The following CACNA1E variants were observed in gnomAD, a reference collection of about 807,000 sequenced individuals.
CACNA1E encodes voltage-dependent R-type calcium channel subunit alpha-1E.
Under a neutral mutation model 259.2 loss-of-function variants are expected in CACNA1E, and 40 were observed. The observed-to-expected ratio is 0.15, with a 90% CI of 0.12 to 0.20. The LOEUF (loss-of-function observed/expected upper bound fraction) is 0.20. Among genes scored for constraint, CACNA1E ranks in the 10% least tolerant of loss-of-function variants. The probability of loss-of-function intolerance (pLI) is 1.00; values close to 1 mark genes in which losing one functional copy is unlikely to be tolerated. For missense variants in CACNA1E, 1,874 were observed against 3,040.1 expected, an observed-to-expected ratio of 0.62 and a Z score of 9.02; for synonymous variants, 1,104 against 1,138.5, an observed-to-expected ratio of 0.97 and a Z score of 0.61.
chr1:181,745,423 A>C (rs1005608066), intron 25 of CACNA1E: 1 of 464,024 alleles, frequency 2.2e-6, no homozygotes, highest in Non-Finnish European at 4.2e-6. Context: ...GCAAAATGAA[A>C]TGATCCAATC....
intron 6 of CACNA1E, among the ~76,000 whole-genome samples, chr1:181,602,203 TC>T (rs1489632759): frequency 6.6e-6 from 1 of 152,222 alleles, no homozygotes; most frequent in African/African-American, 2.4e-5. Context: ...GGCTAAGTGA[TC>T]CCACTAGAGT....
At position 181,758,855 on chromosome 1, in the gene CACNA1E, C is replaced by A; in HGVS notation, c.4592C>A (p.Ala1531Asp). 1 of 1,602,566 alleles carries A rather than the reference C, an allele frequency of 6.2e-7. No homozygotes were observed. The highest frequency in any genetic ancestry group is 8.5e-7 in the Non-Finnish European group (1 of 1,169,672). Residue 1531 changes from alanine (A) to aspartate (D), a missense_variant, in exon 32 of 48, where the codon GCT becomes GAT. Transcript: ENST00000367573. The surrounding 1 kb of genome is among the most constrained non-coding windows in gnomAD (Gnocchi z 4.2). Reference protein sequence around the residue: ...FSLECVLKVIAFGFLNYFRDT... With the variant: ...FSLECVLKVIDFGFLNYFRDT... Reference sequence around the variant, plus strand: ...CTGGAATGTGTCCTGAAGGTCATCGCTTTTGGCTTTTTGGTATGTTGCTGA... The same window carrying A: ...CTGGAATGTGTCCTGAAGGTCATCGATTTTGGCTTTTTGGTATGTTGCTGA...
At position 181,500,025 on chromosome 1, in the gene CACNA1E, G is replaced by T. The variant is rs147089533; in HGVS notation, c.267-10452G>T. ...TTGACAAAGCCATTCACCTGTGGCT[G>T]CTTCCGACACACCTCCAGCTGCACA... On this transcript the variant is annotated intron_variant, in intron 1 of 47. Coordinates refer to ENST00000367573, the MANE Select transcript of CACNA1E (RefSeq NM_001205293.3). Among the ~76,000 whole-genome samples, 164 of 152,330 alleles carry T rather than the reference G, an allele frequency of 1.1e-3. 2 individuals carry two copies. The highest frequency in any genetic ancestry group is 3.4e-3 in the African/African-American group (142 of 41,580).
intron 35 of CACNA1E, among the ~76,000 whole-genome samples, chr1:181,767,895 C>A (rs773492673): frequency 2.6e-5 from 4 of 152,150 alleles, no homozygotes; most frequent in Non-Finnish European, 5.9e-5. Flanking sequence ...TTAAAATATT[C>A]TTGAAGAGCC....
At chr1:181,526,845 T>C (rs1484243414) in intron 3 of CACNA1E, among the ~76,000 whole-genome samples, 4 of 152,214 alleles carry the variant, frequency 2.6e-5, no homozygotes, top group African/African-American at 9.6e-5. Flanking sequence ...TAAACTGGTA[T>C]GATATATGTT....
chr1:181,602,515 T>C (rs1398862289), intron 6 of CACNA1E, among the ~76,000 whole-genome samples: 1 of 152,202 alleles, frequency 6.6e-6, no homozygotes, highest in Non-Finnish European at 1.5e-5. Flanking sequence ...ATTTTTGGAT[T>C]TGGGATGCTC....
intron 3 of CACNA1E, among the ~76,000 whole-genome samples, chr1:181,520,031 G>C (rs589082): frequency 4.0e-5 from 6 of 151,882 alleles, no homozygotes; most frequent in African/African-American, 1.2e-4. Flanking sequence ...GACAAGCAAA[G>C]AGGATAGTGA....
intron 7 of CACNA1E, among the ~76,000 whole-genome samples, chr1:181,701,676 CAG>C (rs1004828816): frequency 1.3e-5 from 2 of 152,158 alleles, no homozygotes; most frequent in Admixed American, 6.5e-5. Context: ...AACTGCGAAA[CAG>C]AGATGAAAGT....
At chr1:181,562,170 G>T (rs1649396462) in intron 3 of CACNA1E, among the ~76,000 whole-genome samples, 1 of 152,030 alleles carries the variant, frequency 6.6e-6, no homozygotes, top group African/African-American at 2.4e-5. Flanking sequence ...CATTGTATGT[G>T]AAAATATTGC....
chr1:181,598,855 T>C (rs1289541493), intron 6 of CACNA1E, among the ~76,000 whole-genome samples: 2 of 152,180 alleles, frequency 1.3e-5, no homozygotes, highest in Non-Finnish European at 2.9e-5. Context: ...CTCCATTGAC[T>C]GTGTTCCCTT....
In CACNA1E at chr1:181,750,500, G is replaced by C; in HGVS notation, c.3731+13G>C. ...GGAACGCTTTGGGGTAAATATGTTC[G>C]ATTATCTTTGAAGTAAACGATACAA... On this transcript the variant is annotated intron_variant, in intron 26 of 47. Coordinates refer to ENST00000367573, the MANE Select transcript of CACNA1E (RefSeq NM_001205293.3). The C allele has an allele frequency of 6.2e-7, 1 of 1,611,264 alleles. No homozygotes were observed. The highest frequency in any genetic ancestry group is 2.2e-5 in the East Asian group (1 of 44,872).
chr1:181,650,057 A>G (rs533668206), intron 6 of CACNA1E, among the ~76,000 whole-genome samples: 2 of 152,378 alleles, frequency 1.3e-5, no homozygotes, highest in African/African-American at 2.4e-5. Context: ...GATAGCTTCC[A>G]TGACTGATAA....
At chr1:181,323,952 C>A (rs961619965) in intron 1 of CACNA1E, among the ~76,000 whole-genome samples, 2 of 152,232 alleles carry the variant, frequency 1.3e-5, no homozygotes, top group African/African-American at 4.8e-5. Context: ...TGGTCCAGAG[C>A]AGCTCCCATG....
intron 8 of CACNA1E, among the ~76,000 whole-genome samples, chr1:181,714,079 C>T (rs905446554): frequency 2.0e-5 from 3 of 152,154 alleles, no homozygotes; most frequent in African/African-American, 7.2e-5. Flanking sequence ...CTCAAATTAG[C>T]ATAGACCCCA....
chr1:181,697,974 C>T (rs1651875660), intron 7 of CACNA1E, among the ~76,000 whole-genome samples: 1 of 152,228 alleles, frequency 6.6e-6, no homozygotes, highest in African/African-American at 2.4e-5. Context: ...AAGCTGGAAG[C>T]TTCCACCCTC....
intron 2 of CACNA1E, among the ~76,000 whole-genome samples, chr1:181,464,900 C>T (rs1477502128): frequency 6.6e-6 from 1 of 151,876 alleles, no homozygotes; most frequent in African/African-American, 2.4e-5. Context: ...AATTTAGTTC[C>T]TTTTTTGTGT....
chr1:181,542,356 G>A (rs1668646904), intron 3 of CACNA1E, among the ~76,000 whole-genome samples: 1 of 152,166 alleles, frequency 6.6e-6, no homozygotes, highest in Admixed American at 6.5e-5. Context: ...CTAGTTTAAA[G>A]GATGTTCTTA....
Position 181,587,190 on chromosome 1 carries a change from A to C in CACNA1E, c.951+6414A>C, listed in dbSNP as rs528386876. Among the ~76,000 whole-genome samples the C allele has an allele frequency of 1.7e-3, 262 of 152,340 alleles. 2 individuals carry two copies. Among genetic ancestry groups the C allele is most frequent in the Non-Finnish European group, 3.1e-3 (214 of 68,018 alleles). ...CTTCTATTTTCTCAATGAAAGAGGA[A>C]GTAAGGTCATCAGCAGAGGGTGGAA... is the stretch of plus-strand genomic sequence containing the variant. On this transcript the variant is annotated intron_variant, in intron 6 of 47. Coordinates refer to ENST00000367573, the MANE Select transcript of CACNA1E (RefSeq NM_001205293.3).
chr1:181,509,220 C>T (rs1452657619), intron 1 of CACNA1E, among the ~76,000 whole-genome samples: 1 of 152,170 alleles, frequency 6.6e-6, no homozygotes, highest in Non-Finnish European at 1.5e-5. Context: ...GCTCACATCT[C>T]ATTGCACACA....
Sources: gnomAD v4.1 joint callset for allele counts (sites outside exome capture counted in the v4.1 genomes callset) on GRCh38, gnomAD v4.1.1 for gene constraint, Gnocchi (gnomAD v3.1) non-coding constraint, MANE v1.5 for transcripts, NCBI Gene and HGNC (gene_info 2026-07-23, HGNC 2026-07-21) for gene names.